The following FANK1 variants were observed in gnomAD, a reference collection of about 807,000 sequenced individuals.
The protein encoded by FANK1 is fibronectin type 3 and ankyrin repeat domains protein 1.
A neutral mutation model predicts 45.3 loss-of-function variants in FANK1; 44 were observed. The observed-to-expected ratio is 0.97, with a 90% CI of 0.76 to 1.25. FANK1 has a LOEUF of 1.25. Among genes scored for constraint, FANK1 ranks in the 50% most tolerant of loss-of-function variants. The probability of loss-of-function intolerance (pLI) is 0.00; values close to 1 mark genes in which losing one functional copy is unlikely to be tolerated. For synonymous variants in FANK1, 149 were observed against 152.5 expected, an observed-to-expected ratio of 0.98 and a Z score of 0.17; for missense variants, 391 against 424.4, an observed-to-expected ratio of 0.92 and a Z score of 0.69.
intron 1 of FANK1, among the ~76,000 whole-genome samples, chr10:125,944,929 T>A (rs1176030349): frequency 1.3e-5 from 2 of 152,204 alleles, no homozygotes; most frequent in Non-Finnish European, 2.9e-5. Context: ...CACACCTCTG[T>A]ATTTCTGTGT....
chr10:125,992,811 C>T (rs1341296850), intron 3 of FANK1, among the ~76,000 whole-genome samples: 2 of 151,928 alleles, frequency 1.3e-5, no homozygotes, highest in Admixed American at 1.3e-4. Context: ...TAGAACTTTC[C>T]TTAACATCTC....
intron 1 of FANK1, among the ~76,000 whole-genome samples, chr10:125,952,348 C>T (rs372015607): frequency 5.3e-4 from 81 of 152,130 alleles, no homozygotes; most frequent in African/African-American, 1.8e-3. Context: ...GGTGTTTGCC[C>T]GAAATGTCAG....
At chr10:125,978,762 C>T (rs546152457) in intron 1 of FANK1, among the ~76,000 whole-genome samples, 4 of 152,260 alleles carry the variant, frequency 2.6e-5, no homozygotes, top group Non-Finnish European at 4.4e-5. Context: ...GGTGCAATGC[C>T]GCTACTGGTA....
rs1953070330 is a variant in FANK1, at chr10:126,004,955, A to G, written c.611A>G (p.Gln204Arg). Reference protein sequence around the residue: ...KYLRRHGASWQARDLGGCTAL... With the variant: ...KYLRRHGASWRARDLGGCTAL... ...CTCCGAAGACATGGCGCTTCTTGGC[A>G]GGCTAGAGACCTGGGAGGCTGTACA... Residue 204 changes from glutamine to arginine, a missense_variant, in exon 7 of 11, where the codon CAG becomes CGG. Coordinates refer to ENST00000368693, the MANE Select transcript of FANK1 (RefSeq NM_145235.5). The G allele has an allele frequency of 6.2e-7, 1 of 1,614,092 alleles. No homozygotes were observed. The highest frequency in any genetic ancestry group is 1.7e-5 in the Admixed American group (1 of 60,000).
intron 1 of FANK1, among the ~76,000 whole-genome samples, chr10:125,977,436 T>C (rs2134198252): frequency 6.6e-6 from 1 of 152,232 alleles, no homozygotes. Context: ...GCTAGACTCT[T>C]GTTTGGTTGC....
intron 7 of FANK1, chr10:126,007,122 C>T (rs986492508): frequency 6.6e-6 from 1 of 152,218 alleles, no homozygotes; most frequent in African/African-American, 2.4e-5. Flanking sequence ...AGGTGGCTCA[C>T]CTGATGCTTC....
At chr10:125,986,940 C>T (rs956643502) in intron 2 of FANK1, among the ~76,000 whole-genome samples, 49 of 152,276 alleles carry the variant, frequency 3.2e-4, no homozygotes, top group African/African-American at 1.1e-3. Context: ...CATGCCTCAT[C>T]CTTTAGGAGA....
At chr10:126,002,311 C>A (rs1590239567) in intron 6 of FANK1, among the ~76,000 whole-genome samples, 1 of 151,458 alleles carries the variant, frequency 6.6e-6, no homozygotes, top group Non-Finnish European at 1.5e-5. Flanking sequence ...GACTCTGTCT[C>A]AAAAAAAACA....
At position 125,960,782 on chromosome 10, in the gene FANK1, G is replaced by T. The variant is rs192774741; in HGVS notation, c.14-19379G>T. ...GATCTCCTGACCTTGTTATCTGCCC[G>T]CCTCGGCCTCCCAAAGTGCTGGGAT... On this transcript the variant is annotated intron_variant, in intron 1 of 10. Transcript: ENST00000368693. Among the ~76,000 whole-genome samples the T allele has an allele frequency of 1.7e-3, 257 of 152,262 alleles. 1 individual carries two copies. Among genetic ancestry groups the T allele is most frequent in the South Asian group, 9.7e-3 (47 of 4,830 alleles).
chr10:126,008,622 A>C, intron 8 of FANK1, 72 bp downstream of exon 8: 1 of 1,525,086 alleles, frequency 6.6e-7, no homozygotes, highest in Non-Finnish European at 8.8e-7. Context: ...GTAATTAGAC[A>C]ATTCTTGTGA....
At chr10:126,006,278 C>T (rs970761682) in intron 7 of FANK1, among the ~76,000 whole-genome samples, 8 of 152,210 alleles carry the variant, frequency 5.3e-5, no homozygotes, top group Non-Finnish European at 1.2e-4. Flanking sequence ...GTTATGGGAT[C>T]TATCTGGTTC....
At chr10:125,950,801 T>G (rs1433666949) in intron 1 of FANK1, among the ~76,000 whole-genome samples, 1 of 147,374 alleles carries the variant, frequency 6.8e-6, no homozygotes, top group African/African-American at 2.5e-5. Context: ...CACGTATGTT[T>G]ATTGCGGCAT....
chr10:125,923,947 T>C (rs560742761), intron 1 of FANK1, among the ~76,000 whole-genome samples: 67 of 152,348 alleles, frequency 4.4e-4, no homozygotes, highest in Admixed American at 3.4e-3. Context: ...TTTTATAATG[T>C]ATTTTTAAAG....
intron 1 of FANK1, among the ~76,000 whole-genome samples, chr10:125,967,856 T>C (rs1363068811): frequency 2.0e-5 from 3 of 152,260 alleles, no homozygotes; most frequent in Admixed American, 1.3e-4. Context: ...CTGAATTTAT[T>C]TCTTGAATGT....
At position 125,905,142 on chromosome 10, in the gene FANK1, A is replaced by C. The variant is rs559003949; in HGVS notation, c.13+8487A>C. 1.4e-3 allele frequency among the ~76,000 whole-genome samples: 135 copies of C among 98,288 alleles called. 1 individual carries two copies. The highest frequency in any genetic ancestry group is 2.4e-3 in the South Asian group (8 of 3,368). The allele number at this position is 98,288 out of a possible 152,430, so 64.5% of individuals were successfully genotyped here. The stretch of plus-strand genomic sequence containing the variant: ...CGAGACTCTGTCCCAAAAAAAAAAA[A>C]AAAAAAAACAAAAAAAACGTTTCTG... On this transcript the variant is annotated intron_variant, in intron 1 of 10. Coordinates refer to ENST00000368693, the MANE Select transcript of FANK1 (RefSeq NM_145235.5).
At chr10:125,897,968 A>G (rs1944693141) in intron 1 of FANK1, among the ~76,000 whole-genome samples, 1 of 132,976 alleles carries the variant, frequency 7.5e-6, no homozygotes, top group Non-Finnish European at 1.6e-5. Flanking sequence ...CATCTTGGCC[A>G]GCATAGTGAA....
intron 1 of FANK1, among the ~76,000 whole-genome samples, chr10:125,932,319 G>A (rs978074804): frequency 5.9e-5 from 9 of 151,986 alleles, no homozygotes; most frequent in Non-Finnish European, 7.4e-5. Flanking sequence ...AATATTGATC[G>A]TACCCATCCA....
chr10:125,934,931 C>T (rs72837789), intron 1 of FANK1, among the ~76,000 whole-genome samples: 180 of 151,908 alleles, frequency 1.2e-3, no homozygotes, highest in Middle Eastern at 3.4e-3. Context: ...GTGCCATGGG[C>T]CTGGCTGAGC....
chr10:125,907,005 TC>T (rs752840742), intron 1 of FANK1, among the ~76,000 whole-genome samples: 11 of 152,376 alleles, frequency 7.2e-5, no homozygotes, highest in Non-Finnish European at 1.5e-4. Flanking sequence ...ATTAGGTTTG[TC>T]CTCTGTAAAC....
Sources: allele counts gnomAD v4.1 joint callset (sites outside exome capture counted in the v4.1 genomes callset), GRCh38; gene constraint gnomAD v4.1.1; transcripts MANE v1.5; gene names NCBI Gene and HGNC (gene_info 2026-07-23, HGNC 2026-07-21).